NRXN1: variants seen among roughly 807,000 people sequenced by gnomAD.
NRXN1 encodes the protein neurexin-1.
A neutral mutation model predicts 150.9 loss-of-function variants in NRXN1; 39 were observed. The observed-to-expected ratio is 0.26, with a 90% CI of 0.20 to 0.34. The LOEUF (loss-of-function observed/expected upper bound fraction) is 0.34. NRXN1 is among the 10% of genes least tolerant of loss of function. The pLI is 1.00. For missense variants in NRXN1, 1,815 were observed against 1,949.9 expected (o/e 0.93, Z 1.30); for synonymous variants, 924 against 757.0 (o/e 1.22, Z -3.62).
At chr2:51,012,063 G>T (rs562138105) in intron 2 of NRXN1, among the ~76,000 whole-genome samples, 33 of 152,024 alleles carry the variant, frequency 2.2e-4, no homozygotes, top group Admixed American at 1.6e-3. Context: ...CATGCATGTT[G>T]TCTACCAGCC....
intron 18 of NRXN1, among the ~76,000 whole-genome samples, chr2:50,226,813 T>G (rs2064427487): frequency 6.6e-6 from 1 of 151,930 alleles, no homozygotes; most frequent in Non-Finnish European, 1.5e-5. Flanking sequence ...ACACATTTAA[T>G]ATAAACTGGC....
chr2:50,457,053 A>G (rs1292823062), intron 17 of NRXN1, among the ~76,000 whole-genome samples: 1 of 152,120 alleles, frequency 6.6e-6, no homozygotes, highest in African/African-American at 2.4e-5. Context: ...TTAGATTATT[A>G]TTTTTGAGAA....
At chr2:50,528,447 T>C (rs1032352979) in intron 12 of NRXN1, among the ~76,000 whole-genome samples, 178 bp downstream of exon 12, 1 of 152,132 alleles carries the variant, frequency 6.6e-6, no homozygotes, top group Admixed American at 6.6e-5. Context: ...TGGGAAAGTC[T>C]TCAGCTGTAC....
intron 17 of NRXN1, among the ~76,000 whole-genome samples, chr2:50,332,698 T>G (rs559450308): frequency 6.6e-6 from 1 of 152,348 alleles, no homozygotes; most frequent in Non-Finnish European, 1.5e-5. Flanking sequence ...AATTGCTCTT[T>G]AATAATTCCC....
chr2:50,384,225 A>G (rs1373490083), intron 17 of NRXN1, among the ~76,000 whole-genome samples: 2 of 152,106 alleles, frequency 1.3e-5, no homozygotes, highest in Non-Finnish European at 1.5e-5. Flanking sequence ...ATGCATTCTC[A>G]GCCGGGTGCG....
intron 21 of NRXN1, among the ~76,000 whole-genome samples, chr2:50,048,250 A>C (rs991201059): frequency 1.3e-5 from 2 of 152,016 alleles, no homozygotes; most frequent in Non-Finnish European, 2.9e-5. Context: ...TTTTCTTTGA[A>C]ATATGCACTA....
At chr2:50,595,671 G>C (rs1675080417) in intron 8 of NRXN1, among the ~76,000 whole-genome samples, 1 of 152,164 alleles carries the variant, frequency 6.6e-6, no homozygotes, top group Non-Finnish European at 1.5e-5. Context: ...AAGATTGGAA[G>C]GGCTGCCTCA....
chr2:50,654,787 T>C (rs1686169704), intron 5 of NRXN1, among the ~76,000 whole-genome samples: 2 of 152,108 alleles, frequency 1.3e-5, no homozygotes, highest in Non-Finnish European at 2.9e-5. Flanking sequence ...CCAGTGATGA[T>C]GAGCATTTTC....
intron 18 of NRXN1, among the ~76,000 whole-genome samples, chr2:50,173,698 G>C (rs1197221302): frequency 6.6e-6 from 1 of 151,976 alleles, no homozygotes; most frequent in African/African-American, 2.4e-5. Context: ...TACTGCTACT[G>C]CCTTATATTT....
At chr2:50,475,138 C>T (rs1331375750) in intron 15 of NRXN1, among the ~76,000 whole-genome samples, 1 of 152,054 alleles carries the variant, frequency 6.6e-6, no homozygotes, top group Non-Finnish European at 1.5e-5. Context: ...TCCTCCAGGA[C>T]TAATGAATGT....
At chr2:50,074,704 C>G (rs1368753108) in intron 19 of NRXN1, among the ~76,000 whole-genome samples, 2 of 152,118 alleles carry the variant, frequency 1.3e-5, no homozygotes, top group Non-Finnish European at 2.9e-5. Context: ...AGAATTAGAA[C>G]AGAGTCTAAA....
chr2:50,372,053 G>C (rs2080068864), intron 17 of NRXN1, among the ~76,000 whole-genome samples: 1 of 151,976 alleles, frequency 6.6e-6, no homozygotes, highest in Non-Finnish European at 1.5e-5. Flanking sequence ...CAAAATCACT[G>C]TTGCTTACTC....
chr2:50,260,667 A>G (rs1413763498), intron 17 of NRXN1, among the ~76,000 whole-genome samples: 2 of 135,488 alleles, frequency 1.5e-5, no homozygotes, highest in African/African-American at 2.8e-5. Flanking sequence ...GCCGTCTTAC[A>G]GAGTTGAAAT....
intron 17 of NRXN1, among the ~76,000 whole-genome samples, chr2:50,242,447 T>C (rs1026754849): frequency 9.9e-5 from 15 of 151,948 alleles, no homozygotes; most frequent in African/African-American, 3.6e-4. Context: ...TTCTGAATTA[T>C]TGTAAGTTCT....
chr2:49,987,458 T>C (rs2152515707), intron 21 of NRXN1, among the ~76,000 whole-genome samples: 1 of 152,314 alleles, frequency 6.6e-6, no homozygotes, highest in African/African-American at 2.4e-5. Context: ...ATATATGTCC[T>C]ATTGTTGTTT....
At chr2:50,641,836 A>G (rs1684127180) in intron 5 of NRXN1, among the ~76,000 whole-genome samples, 2 of 152,100 alleles carry the variant, frequency 1.3e-5, no homozygotes, top group South Asian at 4.1e-4. Flanking sequence ...GCACTTTTGG[A>G]TGCTGCTGCA....
intron 18 of NRXN1, among the ~76,000 whole-genome samples, chr2:50,191,380 T>G (rs2061434057): frequency 6.6e-6 from 1 of 152,134 alleles, no homozygotes; most frequent in Non-Finnish European, 1.5e-5. Context: ...TATAGTACAA[T>G]ATCTAAATTA....
At chr2:50,483,322 T>A (rs2090618093) in intron 15 of NRXN1, among the ~76,000 whole-genome samples, 1 of 152,128 alleles carries the variant, frequency 6.6e-6, no homozygotes, top group Admixed American at 6.5e-5. Context: ...CCACCCCTTG[T>A]TTAGCATATA....
chr2:50,340,635 C>G (rs1176082283), intron 17 of NRXN1, among the ~76,000 whole-genome samples: 1 of 151,842 alleles, frequency 6.6e-6, no homozygotes, highest in African/African-American at 2.4e-5. Flanking sequence ...ACAACAAGAC[C>G]ATGAGGATTT....
Sources: gnomAD v4.1 joint callset for allele counts (sites outside exome capture counted in the v4.1 genomes callset) on GRCh38, gnomAD v4.1.1 for gene constraint, MANE v1.5 for transcripts, NCBI Gene and HGNC (gene_info 2026-07-23, HGNC 2026-07-21) for gene names.